The following ARHGAP4 variants were observed in gnomAD, a reference collection of about 807,000 sequenced individuals.
ARHGAP4 encodes the protein Rho GTPase activating protein 4, also known as rho GTPase-activating protein 4.
Under a neutral mutation model 67.6 loss-of-function variants are expected in ARHGAP4, and 25 were observed. The ratio of observed to expected loss-of-function variants is 0.37; its 90% CI spans 0.27 to 0.52. The LOEUF (loss-of-function observed/expected upper bound fraction) is 0.52. Ranked by LOEUF, ARHGAP4 falls within the 20% of genes least tolerant of loss-of-function variation. The pLI is 0.92. For missense variants in ARHGAP4, 804 were observed against 854.6 expected (o/e 0.94, Z 0.74); for synonymous variants, 448 against 373.7 (o/e 1.20, Z -2.29).
chrX:153,915,160 T>C (rs1222466933), intron 7 of ARHGAP4, among the ~76,000 whole-genome samples: 1 of 103,193 alleles, frequency 9.7e-6, no homozygotes, highest in Admixed American at 1.0e-4. Flanking sequence ...ATTCCACTCC[T>C]GTGAGGGGCC....
chrX:153,909,065 C>G lies in ARHGAP4; in HGVS notation c.2607+5G>C. 8.3e-7 allele frequency: 1 copy of G among 1,210,315 alleles called. No individual in the cohort carries two copies. Among genetic ancestry groups the G allele is most frequent in the Non-Finnish European group, 1.1e-6 (1 of 894,262 alleles). ...GTCCCTCACCTGCCACACACCCACT[C>G]TCACCTTATCCACCTCCACGTGTTG... On this transcript the variant is annotated splice_donor_5th_base_variant and intron_variant, in intron 21 of 21. Coordinates refer to ENST00000350060, the MANE Select transcript of ARHGAP4 (RefSeq NM_001666.5).
At position 153,913,278 on chromosome X, in the gene ARHGAP4, G is replaced by A. The variant is rs1055084679; in HGVS notation, c.1351C>T (p.Arg451Trp). The change falls in exon 10 of 22, where the codon CGG (arginine) becomes TGG (tryptophan). Residue 451 changes from arginine (R) to tryptophan (W), a missense_variant. By Grantham distance (101) the Arg-to-Trp change is moderately radical. Around this residue, in one of 2 missense-constraint regions of ARHGAP4, gnomAD observed 404 missense variants for 505.9 expected, o/e 0.80. Coordinates refer to ENST00000350060, the MANE Select transcript of ARHGAP4 (RefSeq NM_001666.5). ...GCCTGCAGCTTGGCGAGGATGCTCC[G>A]TCCACTCAGATACTCCTGGAGCTTC... ...LTKLQEYLSG[R>W]SILAKLQAKH... 2 of 1,176,954 alleles carry A rather than the reference G, an allele frequency of 1.7e-6. No individual in the cohort carries two copies. The highest frequency in any genetic ancestry group is 2.3e-6 in the Non-Finnish European group (2 of 878,165).
intron 5 of ARHGAP4, chrX:153,919,639 C>T: frequency 8.6e-7 from 1 of 1,166,937 alleles, no homozygotes; most frequent in South Asian, 1.9e-5. Flanking sequence ...GGAGCCAGCA[C>T]ACAGGTGCAC....
chrX:153,908,413 C>G (rs781798576), intron 21 of ARHGAP4, among the ~76,000 whole-genome samples: 1 of 112,179 alleles, frequency 8.9e-6, no homozygotes, highest in Non-Finnish European at 1.9e-5. Context: ...CTGGGACACC[C>G]GCATGTTCTT....
In ARHGAP4 at chrX:153,913,523, G is replaced by A. The variant is rs782128006; in HGVS notation, c.1212C>T (p.Ser404=). Residue 404 remains serine (S), a synonymous_variant, in exon 9 of 22, where the codon TCC becomes TCT. Transcript: ENST00000350060. ...VASDDGDVLD[S]FQTSPSTESL... ...ACTCGGTGGAGGGGCTGGTCTGGAAGGAATCAAGCACATCCCCGTCATCCG... is the reference window on the plus strand; with the variant it reads ...ACTCGGTGGAGGGGCTGGTCTGGAAAGAATCAAGCACATCCCCGTCATCCG... 1 of 1,212,060 alleles carries A rather than the reference G, an allele frequency of 8.3e-7. No individual in the cohort carries two copies. The highest frequency in any genetic ancestry group is 3.0e-5 in the East Asian group (1 of 33,863).
intron 1 of ARHGAP4, among the ~76,000 whole-genome samples, chrX:153,924,586 T>G (rs1178244546): frequency 6.3e-5 from 7 of 111,971 alleles, no homozygotes; most frequent in African/African-American, 2.3e-4. Flanking sequence ...GGGTGGCCAC[T>G]GACGCCATTT....
intron 7 of ARHGAP4, 190 bp from the exon 8 acceptor site, chrX:153,914,069 T>C (rs782530779): frequency 4.6e-6 from 2 of 435,692 alleles, no homozygotes; most frequent in East Asian, 7.5e-5. Context: ...TCCACAGAGG[T>C]TCGTGGCGGC....
chrX:153,912,954 C>G (rs1179960214), intron 11 of ARHGAP4, 70 bp downstream of exon 11: 1 of 1,160,807 alleles, frequency 8.6e-7, no homozygotes, highest in Admixed American at 2.4e-5. Flanking sequence ...GATTGGGCAG[C>G]TGAGCTGGGC....
In ARHGAP4 at chrX:153,913,897, C is replaced by G. The variant is rs1557103889; in HGVS notation, c.1033-18G>C. 2.5e-6 allele frequency: 3 copies of G among 1,199,107 alleles called. No individual in the cohort carries two copies. The Admixed American group carries it at 6.5e-5, about 26-fold the overall frequency. ...TCAGCCACCTGCAGAGGGCGGCGGC[C>G]AGGGGGCTAAGGGCTGGGCTTGGGC... is the stretch of plus-strand genomic sequence containing the variant. On this transcript the variant is annotated intron_variant, in intron 7 of 21. Coordinates refer to ENST00000350060, the MANE Select transcript of ARHGAP4 (RefSeq NM_001666.5).
rs931178643 is a variant in ARHGAP4, at chrX:153,908,212, G to A, written c.2608-250C>T. On this transcript the variant is annotated intron_variant, in intron 21 of 21. Coordinates refer to ENST00000350060, the MANE Select transcript of ARHGAP4 (RefSeq NM_001666.5). ...CGGAAGTGGGGACCCCCCTCTTCTC[G>A]CCCCCACTCTTTCCCTGGCAGAGAT... Among the ~76,000 whole-genome samples, 25 of 111,535 alleles carry A rather than the reference G, an allele frequency of 2.2e-4. No individual in the cohort carries two copies. In the South Asian group the frequency reaches 4.8e-3, roughly 22 times the overall value.
At chrX:153,915,347 G>A (rs2065049182) in intron 7 of ARHGAP4, among the ~76,000 whole-genome samples, 1 of 112,038 alleles carries the variant, frequency 8.9e-6, no homozygotes, top group Non-Finnish European at 1.9e-5. Context: ...CTGCCCCTGG[G>A]CCGCACACTT....
In ARHGAP4 at chrX:153,920,531, C is replaced by T; in HGVS notation, c.681+95G>A. 4.1e-6 allele frequency: 4 copies of T among 977,607 alleles called. No homozygotes were observed. The South Asian group carries it at 7.2e-5, about 18-fold the overall frequency. The allele number at this position is 977,607 out of a possible 1,213,427, so 80.6% of individuals were successfully genotyped here. A position where few individuals can be genotyped will look rare whatever the true frequency, so the allele number is the denominator to read the frequency against. On this transcript the variant is annotated intron_variant, in intron 5 of 21. Transcript: ENST00000350060. ...GCACTGTCCTGCCACTCCTGCCCTC[C>T]CCTGCACCCAGCCCTGACTTCCCCC...
rs781843809 is a variant in ARHGAP4, at chrX:153,919,000, C to G, written c.864G>C (p.Thr288=). ...AGGCTTGGGTGCGGCTCTCAGCGGC[C>G]GTGTAGCTCCGGAGCACCTGCCCCA... ...LALGQVLRSY[T]AAESRTQASQ... Residue 288 remains threonine (T), a synonymous_variant, in exon 7 of 22, where the codon ACG becomes ACC. Transcript: ENST00000350060. The G allele has an allele frequency of 1.7e-6, 2 of 1,210,109 alleles. No individual in the cohort carries two copies. Among genetic ancestry groups the G allele is most frequent in the Non-Finnish European group, 1.1e-6 (1 of 895,180 alleles).
rs2065003486 is a variant in ARHGAP4, at chrX:153,909,794, C to T, written c.2361G>A (p.Glu787=). 8.3e-7 allele frequency: 1 copy of T among 1,201,309 alleles called. No homozygotes were observed. Among genetic ancestry groups the T allele is most frequent in the African/African-American group, 1.7e-5 (1 of 57,811 alleles). ...ERASSDWWRG[E]HNGMRGLIPH... is the part of the protein sequence containing the mutation. The stretch of plus-strand genomic sequence containing the variant: ...GGATGAGGCCCCGCATGCCGTTGTG[C>T]TCCCCCCGCCACCAGTCGCTCGAGG... Residue 787 remains glutamate (E), a synonymous_variant, in exon 19 of 22, where the codon GAG becomes GAA. Coordinates refer to ENST00000350060, the MANE Select transcript of ARHGAP4 (RefSeq NM_001666.5).
chrX:153,921,799 C>T lies in ARHGAP4; in HGVS notation c.78G>A (p.Trp26Ter). 8.4e-7 allele frequency: 1 copy of T among 1,187,746 alleles called. No homozygotes were observed. Among genetic ancestry groups the T allele is most frequent in the Non-Finnish European group, 1.1e-6 (1 of 885,221 alleles). ...EYETQVKEMR[W>*]QLSEQLRCLE... ...GGCAGCGCAGCTGCTCGCTCAGCTG[C>T]CAGCGCATCTCTGTGGGGGGAACCA... The change falls in exon 2 of 22, where the codon TGG becomes TGA. Residue 26 changes from tryptophan to a stop codon, truncating the protein, a stop_gained. Coordinates refer to ENST00000350060, the MANE Select transcript of ARHGAP4 (RefSeq NM_001666.5). LOFTEE classifies it high-confidence loss of function.
intron 10 of ARHGAP4, 48 bp from the exon 11 acceptor site, chrX:153,913,099 A>G: frequency 8.5e-7 from 1 of 1,172,797 alleles, no homozygotes; most frequent in Non-Finnish European, 1.1e-6. Flanking sequence ...AGGGGTCTTC[A>G]AGGCATCCCA....
At position 153,921,815 on chromosome X, in the gene ARHGAP4, G is replaced by T. The variant is rs782409576; in HGVS notation, c.68-6C>A. On this transcript the variant is annotated splice_polypyrimidine_tract_variant and splice_region_variant and intron_variant, in intron 1 of 21. Coordinates refer to ENST00000350060, the MANE Select transcript of ARHGAP4 (RefSeq NM_001666.5). Reference sequence around the variant, plus strand: ...GCTCAGCTGCCAGCGCATCTCTGTGGGGGGAACCATGGCTCAGGCCTGGTC... The same window carrying T: ...GCTCAGCTGCCAGCGCATCTCTGTGTGGGGAACCATGGCTCAGGCCTGGTC... 47 of 1,180,869 alleles carry T rather than the reference G, an allele frequency of 4.0e-5. No homozygotes were observed. The highest frequency in any genetic ancestry group is 2.3e-4 in the Admixed American group (10 of 42,601).
In ARHGAP4 at chrX:153,926,128, C is replaced by T. The variant is rs1557106245; in HGVS notation, c.67+8G>A. 4.2e-6 allele frequency: 5 copies of T among 1,204,612 alleles called. No homozygotes were observed. The Admixed American group carries it at 6.5e-5, about 16-fold the overall frequency. On this transcript the variant is annotated splice_region_variant and intron_variant, in intron 1 of 21. Transcript: ENST00000350060. ...GAAACGGGCCGGGAGCGCCCGGCGC[C>T]CTCTCACCTTTGACTTGCGTCTCAT... is the stretch of plus-strand genomic sequence containing the variant.
At position 153,921,162 on chromosome X, in the gene ARHGAP4, A is replaced by G; in HGVS notation, c.436-3T>C. 8.3e-7 allele frequency: 1 copy of G among 1,198,133 alleles called. No individual in the cohort carries two copies. Among genetic ancestry groups the G allele is most frequent in the South Asian group, 1.8e-5 (1 of 55,158 alleles). On this transcript the variant is annotated splice_polypyrimidine_tract_variant and splice_region_variant and intron_variant, in intron 3 of 21. Transcript: ENST00000350060. The stretch of plus-strand genomic sequence containing the variant: ...AGCTGCTGCTCCAGATCCCTGCTCT[A>G]GAGGCAGAGGCAAGGGTGAGCACGG...
Sources: gnomAD v4.1 joint callset for allele counts (sites outside exome capture counted in the v4.1 genomes callset) on GRCh38, gnomAD v4.1.1 for gene constraint, gnomAD v4.1.1 regional missense constraint, MANE v1.5 for transcripts, NCBI Gene and HGNC (gene_info 2026-07-23, HGNC 2026-07-21) for gene names.